KCTD6: variants seen among roughly 807,000 people sequenced by gnomAD.
KCTD6 encodes the protein BTB/POZ domain-containing protein KCTD6.
KCTD6 carries 6 observed loss-of-function variants against 18.7 expected under a neutral mutation model. The ratio of observed to expected loss-of-function variants is 0.32; its 90% CI spans 0.18 to 0.63. The LOEUF is 0.63. Among genes scored for constraint, KCTD6 ranks in the 30% least tolerant of loss-of-function variants. The pLI, the probability that KCTD6 is intolerant of heterozygous loss-of-function variation, is 0.79. For missense variants in KCTD6, 165 were observed against 300.2 expected, an observed-to-expected ratio of 0.55 and a Z score of 3.33; for synonymous variants, 86 against 108.5, an observed-to-expected ratio of 0.79 and a Z score of 1.29.
Position 58,497,193 on chromosome 3 carries a change from A to G in KCTD6, c.-43-1520A>G, listed in dbSNP as rs545224223. On this transcript the variant is annotated intron_variant, in intron 1 of 2. Coordinates refer to ENST00000404589, the MANE Select transcript of KCTD6 (RefSeq NM_001128214.2). The surrounding 1 kb of genome is among the most constrained non-coding windows in gnomAD (Gnocchi z 4.2). ...CTGACTGCCCCATAGTCTGGTCCAC[A>G]TTTTAGTTGTGTGCTTTGAAGGATT... Among the ~76,000 whole-genome samples the G allele has an allele frequency of 2.0e-5, 3 of 152,208 alleles. No individual in the cohort carries two copies. Among genetic ancestry groups the G allele is most frequent in the African/African-American group, 7.2e-5 (3 of 41,460 alleles).
At chr3:58,495,770 T>G (rs58248087) in intron 1 of KCTD6, among the ~76,000 whole-genome samples, 2,904 of 152,268 alleles carry the variant, frequency 0.019, 95 homozygotes, top group African/African-American at 0.067. Flanking sequence ...GGGCTGTAGA[T>G]TCCCATAATT....
Position 58,501,047 on chromosome 3 carries a change from G to C in KCTD6, c.129G>C (p.Gly43=). 6.2e-7 allele frequency: 1 copy of C among 1,614,062 alleles called. No individual in the cohort carries two copies. Among genetic ancestry groups the C allele is most frequent in the Non-Finnish European group, 8.5e-7 (1 of 1,180,000 alleles). ...YPDSMLGAMF[G]GDFPTARDPQ... ...ATTCCATGCTTGGAGCTATGTTTGG[G>C]GGGGACTTCCCCACAGCTCGAGACC... Residue 43 remains glycine, a synonymous_variant, in exon 3 of 3, where the codon GGG becomes GGC. Transcript: ENST00000404589. The surrounding 1 kb of genome is among the most constrained non-coding windows in gnomAD (Gnocchi z 9.7).
In KCTD6 at chr3:58,493,097, T is replaced by C. The variant is rs2063161879; in HGVS notation, c.-44+928T>C. On this transcript the variant is annotated intron_variant, in intron 1 of 2. Transcript: ENST00000404589. This position sits in a 1 kb window ranked among gnomAD's most constrained non-coding sequence, Gnocchi z 4.5. ...CCCTATTACTTGAATCATCCTGGGA[T>C]AGGAGAGAAGCTTGGGGACAGCATG... Among the ~76,000 whole-genome samples, 1 of 152,156 alleles carries C rather than the reference T, an allele frequency of 6.6e-6. No individual in the cohort carries two copies. The highest frequency in any genetic ancestry group is 6.5e-5 in the Admixed American group (1 of 15,276).
Position 58,501,819 on chromosome 3 carries a change from G to C in KCTD6, c.*187G>C. On this transcript the variant is annotated 3_prime_UTR_variant, in exon 3 of 3. Transcript: ENST00000404589. This position sits in a 1 kb window ranked among gnomAD's most constrained non-coding sequence, Gnocchi z 9.7. ...CTCCATGTTTTGTTCCCTTCCCCCT[G>C]AGTATGCATGTGCCTGTTCAGAGTC... The C allele has an allele frequency of 2.5e-6, 1 of 396,758 alleles. No homozygotes were observed. Among genetic ancestry groups the C allele is most frequent in the East Asian group, 3.7e-5 (1 of 27,144 alleles). 24.6% of individuals were successfully genotyped at this position (396,758 alleles called of 1,614,324 possible).
chr3:58,498,748 T>TGGA lies in KCTD6; in HGVS notation c.-6_-4dup. On this transcript the variant is annotated 5_prime_UTR_variant, in exon 2 of 3. Coordinates refer to ENST00000404589, the MANE Select transcript of KCTD6 (RefSeq NM_001128214.2). The surrounding 1 kb of genome is among the most constrained non-coding windows in gnomAD (Gnocchi z 4.6). ...ACCTGGGCTCTTGAAGACGCATCAC[T>TGGA]GGAGCAGATGGATAATGGAGACTGG... 6.2e-7 allele frequency: 1 copy of TGGA among 1,611,848 alleles called. No homozygotes were observed. Among genetic ancestry groups the TGGA allele is most frequent in the Non-Finnish European group, 8.5e-7 (1 of 1,178,588 alleles).
intron 2 of KCTD6, among the ~76,000 whole-genome samples, chr3:58,499,617 G>A (rs996196747): frequency 2.8e-5 from 4 of 144,980 alleles, no homozygotes; most frequent in African/African-American, 1.0e-4. Flanking sequence ...GCGTGATCTC[G>A]GCTCATGACT....
chr3:58,494,006 G>A (rs2063165502), intron 1 of KCTD6: 1 of 152,112 alleles, frequency 6.6e-6, no homozygotes, highest in African/African-American at 2.4e-5. Flanking sequence ...TGCCTAAATG[G>A]TGTAATTACC....
In KCTD6 at chr3:58,498,639, G is replaced by A; in HGVS notation, c.-43-74G>A. 1.2e-6 allele frequency: 1 copy of A among 831,502 alleles called. No individual in the cohort carries two copies. Among genetic ancestry groups the A allele is most frequent in the Non-Finnish European group, 2.1e-6 (1 of 484,716 alleles). 51.5% of individuals were successfully genotyped at this position (831,502 alleles called of 1,614,324 possible). On this transcript the variant is annotated intron_variant, in intron 1 of 2. Transcript: ENST00000404589. This position sits in a 1 kb window ranked among gnomAD's most constrained non-coding sequence, Gnocchi z 4.6. The stretch of plus-strand genomic sequence containing the variant: ...TTTCTGGTGTTTGGCCTCCTCTGTT[G>A]GGTGGAAAAAGACTTTCTTCTCTAT...
Position 58,501,670 on chromosome 3 carries a change from A to C in KCTD6, c.*38A>C. ...CCACAGGTTCCTGGAAAGACTCTCC[A>C]GGAAATGGAAGATACTGATTTTTTT... On this transcript the variant is annotated 3_prime_UTR_variant, in exon 3 of 3. Coordinates refer to ENST00000404589, the MANE Select transcript of KCTD6 (RefSeq NM_001128214.2). The surrounding 1 kb of genome is among the most constrained non-coding windows in gnomAD (Gnocchi z 9.7). The C allele has an allele frequency of 8.0e-7, 1 of 1,242,660 alleles. No individual in the cohort carries two copies. Among genetic ancestry groups the C allele is most frequent in the Non-Finnish European group, 1.0e-6 (1 of 963,150 alleles). The allele number at this position is 1,242,660 out of a possible 1,614,324, so 77.0% of individuals were successfully genotyped here. A position where few individuals can be genotyped will look rare whatever the true frequency, so the allele number is the denominator to read the frequency against.
chr3:58,499,621 C>T (rs2063195752), intron 2 of KCTD6, among the ~76,000 whole-genome samples: 1 of 147,060 alleles, frequency 6.8e-6, no homozygotes, highest in African/African-American at 2.5e-5. Flanking sequence ...GATCTCGGCT[C>T]ATGACTTTCC....
In KCTD6 at chr3:58,501,461, C is replaced by G; in HGVS notation, c.543C>G (p.Pro181=). 2.0e-6 allele frequency: 3 copies of G among 1,521,572 alleles called. No homozygotes were observed. Among genetic ancestry groups the G allele is most frequent in the Non-Finnish European group, 2.6e-6 (3 of 1,138,378 alleles). The allele number at this position is 1,521,572 out of a possible 1,614,324, so 94.3% of individuals were successfully genotyped here. A position where few individuals can be genotyped will look rare whatever the true frequency, so the allele number is the denominator to read the frequency against. The part of the protein sequence containing the change: ...RDCQVSFTFG[P]CDYHQEVSLR... ...GCCAGGTTTCCTTTACTTTTGGACC[C>G]TGTGATTATCACCAGGAAGTTTCTC... The change falls in exon 3 of 3, where the codon CCC becomes CCG. Residue 181 remains proline (P), a synonymous_variant. Transcript: ENST00000404589. This position sits in a 1 kb window ranked among gnomAD's most constrained non-coding sequence, Gnocchi z 9.7.
Position 58,498,429 on chromosome 3 carries a change from C to T in KCTD6, c.-43-284C>T, listed in dbSNP as rs1478932226. Reference sequence around the variant, plus strand: ...AGGTAGAATTTGAATGACTGGGTTACTTCCTAGACTCTTCCTCCTTCTCTT... The same window carrying T: ...AGGTAGAATTTGAATGACTGGGTTATTTCCTAGACTCTTCCTCCTTCTCTT... On this transcript the variant is annotated intron_variant, in intron 1 of 2. Coordinates refer to ENST00000404589, the MANE Select transcript of KCTD6 (RefSeq NM_001128214.2). This position sits in a 1 kb window ranked among gnomAD's most constrained non-coding sequence, Gnocchi z 4.6. 1 of 268,142 alleles carries T rather than the reference C, an allele frequency of 3.7e-6. No homozygotes were observed. The highest frequency in any genetic ancestry group is 6.8e-6 in the Non-Finnish European group (1 of 146,148). The allele number at this position is 268,142 out of a possible 1,614,324, so 16.6% of individuals were successfully genotyped here.
In KCTD6 at chr3:58,492,907, C is replaced by T. The variant is rs532923415; in HGVS notation, c.-44+738C>T. On this transcript the variant is annotated intron_variant, in intron 1 of 2. Coordinates refer to ENST00000404589, the MANE Select transcript of KCTD6 (RefSeq NM_001128214.2). This position sits in a 1 kb window ranked among gnomAD's most constrained non-coding sequence, Gnocchi z 6.1. ...TTACCATGTTTCTGTTCAAGTATAC[C>T]AGTTCTAGAACAAGTTGATGGATCC... Among the ~76,000 whole-genome samples the T allele has an allele frequency of 1.2e-4, 19 of 152,296 alleles. No homozygotes were observed. The highest frequency in any genetic ancestry group is 4.6e-4 in the African/African-American group (19 of 41,552).
chr3:58,494,495 C>T (rs1415392417), intron 1 of KCTD6: 1 of 152,130 alleles, frequency 6.6e-6, no homozygotes, highest in African/African-American at 2.4e-5. Flanking sequence ...AAAGGGCTGC[C>T]TGGAAACTCT....
rs78805345 is a variant in KCTD6, at chr3:58,501,638, G to C, written c.*6G>C. ...CCCGGAAGACAGACGACTGATCTCC[G>C]ACCCTGCCACAGGTTCCTGGAAAGA... is the stretch of plus-strand genomic sequence containing the variant. On this transcript the variant is annotated 3_prime_UTR_variant, in exon 3 of 3. Coordinates refer to ENST00000404589, the MANE Select transcript of KCTD6 (RefSeq NM_001128214.2). The surrounding 1 kb of genome is among the most constrained non-coding windows in gnomAD (Gnocchi z 9.7). The C allele has an allele frequency of 1.5e-6, 2 of 1,318,248 alleles. No homozygotes were observed. The highest frequency in any genetic ancestry group is 3.1e-5 in the Admixed American group (1 of 32,710). The allele number at this position is 1,318,248 out of a possible 1,614,324, so 81.7% of individuals were successfully genotyped here.
intron 2 of KCTD6, among the ~76,000 whole-genome samples, chr3:58,499,133 C>A (rs1379820015): frequency 6.6e-6 from 1 of 152,046 alleles, no homozygotes; most frequent in African/African-American, 2.4e-5. Context: ...CCACATCTGG[C>A]TAATTTTTGT....
chr3:58,494,483 T>C (rs1158133541), intron 1 of KCTD6: 1 of 152,226 alleles, frequency 6.6e-6, no homozygotes, highest in Non-Finnish European at 1.5e-5. Flanking sequence ...AAAAGCATTT[T>C]TAAAGGGCTG....
At chr3:58,500,886 A>T (rs1042114789) in intron 2 of KCTD6, 60 bp from the exon 3 acceptor site, 15 of 1,092,036 alleles carry the variant, frequency 1.4e-5, no homozygotes, top group Non-Finnish European at 1.9e-5. Context: ...TACTTTCTTA[A>T]TTTGTCAAAG....
chr3:58,499,817 G>A (rs946068728), intron 2 of KCTD6, among the ~76,000 whole-genome samples: 1 of 151,998 alleles, frequency 6.6e-6, no homozygotes, highest in Non-Finnish European at 1.5e-5. Context: ...TGGGATTACA[G>A]GTGTGAGCCA....
Sources: allele counts gnomAD v4.1 joint callset (sites outside exome capture counted in the v4.1 genomes callset), GRCh38; gene constraint gnomAD v4.1.1; non-coding constraint Gnocchi (gnomAD v3.1); transcripts MANE v1.5; gene names NCBI Gene and HGNC (gene_info 2026-07-23, HGNC 2026-07-21).